Variants in RBP7 observed in about 807,000 individuals in gnomAD.
RBP7 encodes retinoid-binding protein 7.
In RBP7, 13 loss-of-function variants were observed where a neutral mutation model predicts 16.7. The observed-to-expected ratio is 0.78, with a 90% CI of 0.51 to 1.24. The LOEUF (loss-of-function observed/expected upper bound fraction) is 1.24. RBP7 is among the 50% of genes most tolerant of loss of function. The probability of loss-of-function intolerance (pLI) is 0.00; values close to 1 mark genes in which losing one functional copy is unlikely to be tolerated. For synonymous variants in RBP7, 54 were observed against 56.2 expected, an observed-to-expected ratio of 0.96 and a Z score of 0.17; for missense variants, 145 against 159.5, an observed-to-expected ratio of 0.91 and a Z score of 0.49.
rs1212966695 is a variant in RBP7, at chr1:10,006,764, TAGAG to T, written c.74-789_74-786del. Among the ~76,000 whole-genome samples the T allele has an allele frequency of 8.2e-4, 116 of 141,518 alleles. 1 individual carries two copies. The highest frequency in any genetic ancestry group is 1.5e-3 in the Non-Finnish European group (98 of 66,374). The allele number at this position is 141,518 out of a possible 152,430, so 92.8% of individuals were successfully genotyped here. On this transcript the variant is annotated intron_variant, in intron 1 of 3. Transcript: ENST00000294435. ...GTGTGTGTGTGTGTATATATATATA[TAGAG>T]AGAGAGAGAGAGAGAGGTATATACA...
rs1276918075 is a variant in RBP7 at position 10,008,175 on chromosome 1, T to A, written c.255T>A (p.Ser85Arg). The change falls in exon 3 of 4, where the codon AGT becomes AGA. Residue 85 changes from serine (S) to arginine (R), a missense_variant and splice_region_variant. Transcript: ENST00000294435. The part of the protein sequence containing the change: ...NRGLDNRKCK[S>R]LVIWDNDRLT... ...CATTTTCTCCTCTCTTCATGCAGAGTTTGGTTATCTGGGACAATGACAGGC... is the reference window on the plus strand; with the variant it reads ...CATTTTCTCCTCTCTTCATGCAGAGATTGGTTATCTGGGACAATGACAGGC... The A allele has an allele frequency of 1.3e-6, 2 of 1,598,384 alleles. No individual in the cohort carries two copies. The highest frequency in any genetic ancestry group is 1.3e-5 in the African/African-American group (1 of 74,256).
chr1:9,998,750 G>A (rs1336150613), intron 1 of RBP7, among the ~76,000 whole-genome samples: 1 of 152,026 alleles, frequency 6.6e-6, no homozygotes, highest in Non-Finnish European at 1.5e-5. Context: ...AGTTGATAAA[G>A]GGGCATTTAT....
chr1:10,003,881 G>A (rs1466906450), intron 1 of RBP7, among the ~76,000 whole-genome samples: 1 of 151,872 alleles, frequency 6.6e-6, no homozygotes, highest in Non-Finnish European at 1.5e-5. Flanking sequence ...TAAGCCTCCC[G>A]AGTAGCTGGG....
Position 10,008,236 on chromosome 1 carries a change from G to A in RBP7, c.316G>A (p.Gly106Ser). Residue 106 changes from glycine to serine, a missense_variant, in exon 3 of 4, where the codon GGC becomes AGC. By Grantham distance (56) the Gly-to-Ser change is moderately conservative. Coordinates refer to ENST00000294435, the MANE Select transcript of RBP7 (RefSeq NM_052960.3). ...CIQKGEKKNR[G>S]WTHWIEGDKL... is the part of the protein sequence containing the mutation. Reference sequence around the variant, plus strand: ...CCAGAAGGGAGAAAAGAAGAACAGAGGCTGGACCCATTGGATCGAAGGAGA... The same window carrying A: ...CCAGAAGGGAGAAAAGAAGAACAGAAGCTGGACCCATTGGATCGAAGGAGA... 1 of 1,613,124 alleles carries A rather than the reference G, an allele frequency of 6.2e-7. No homozygotes were observed. The highest frequency in any genetic ancestry group is 8.5e-7 in the Non-Finnish European group (1 of 1,179,382).
At chr1:10,000,616 CTTTAAA>C (rs1273009129) in intron 1 of RBP7, among the ~76,000 whole-genome samples, 1 of 151,932 alleles carries the variant, frequency 6.6e-6, no homozygotes. Context: ...ATATAATTAA[CTTTAAA>C]TTTATATGCT....
Position 9,997,846 on chromosome 1 carries a change from G to A in RBP7, c.73+515G>A, listed in dbSNP as rs552765809. ...GCAGCGAAGTCCCAGCAGCCTCGGCGCACCCGGAGCGGGTCGGGGATGCAG... is the reference window on the plus strand; with the variant it reads ...GCAGCGAAGTCCCAGCAGCCTCGGCACACCCGGAGCGGGTCGGGGATGCAG... On this transcript the variant is annotated intron_variant, in intron 1 of 3. Coordinates refer to ENST00000294435, the MANE Select transcript of RBP7 (RefSeq NM_052960.3). The surrounding 1 kb of genome is among the most constrained non-coding windows in gnomAD (Gnocchi z 5.9). Among the ~76,000 whole-genome samples the A allele has an allele frequency of 1.8e-3, 281 of 152,170 alleles. 2 individuals are homozygous for A. Among genetic ancestry groups the A allele is most frequent in the African/African-American group, 6.3e-3 (262 of 41,560 alleles).
At chr1:10,005,706 G>A (rs1001824363) in intron 1 of RBP7, among the ~76,000 whole-genome samples, 3 of 151,914 alleles carry the variant, frequency 2.0e-5, no homozygotes, top group South Asian at 2.1e-4. Flanking sequence ...TGGGATTACA[G>A]GGGTGCACCA....
At chr1:9,998,412 T>TTTC (rs1642211774) in intron 1 of RBP7, among the ~76,000 whole-genome samples, 1 of 141,020 alleles carries the variant, frequency 7.1e-6, no homozygotes, top group Non-Finnish European at 1.6e-5. Flanking sequence ...TCTTTCTTTT[T>TTTC]TTTTTTTTTT....
At position 10,005,133 on chromosome 1, in the gene RBP7, C is replaced by A. The variant is rs111438979; in HGVS notation, c.74-2437C>A. Among the ~76,000 whole-genome samples the A allele has an allele frequency of 6.8e-3, 1,033 of 152,300 alleles. 15 individuals are homozygous for A. Among genetic ancestry groups the A allele is most frequent in the African/African-American group, 0.024 (980 of 41,574 alleles). ...GGAGTTCTAGATTTAAACACACACA[C>A]ACAAGCTTTTTTATTTGCAGCTGAG... is the stretch of plus-strand genomic sequence containing the variant. On this transcript the variant is annotated intron_variant, in intron 1 of 3. Transcript: ENST00000294435.
At chr1:10,014,893 C>T (rs1468379024) in intron 3 of RBP7, among the ~76,000 whole-genome samples, 2 of 152,110 alleles carry the variant, frequency 1.3e-5, no homozygotes, top group Non-Finnish European at 2.9e-5. Flanking sequence ...AGACTGCATC[C>T]TTAACCTATG....
intron 3 of RBP7, among the ~76,000 whole-genome samples, chr1:10,013,642 C>G (rs754203912): frequency 3.3e-5 from 5 of 151,866 alleles, no homozygotes; most frequent in Non-Finnish European, 5.9e-5. Flanking sequence ...AATGCTGTCT[C>G]TACTAAAAAA....
chr1:10,015,922 C>T lies in RBP7; in HGVS notation c.*90C>T, dbSNP rs1410381202. ...ACAGACGTTTATCTATCCCATTTGG[C>T]GACGAGGACTCGTGGCTGGAGAGAG... is the stretch of plus-strand genomic sequence containing the variant. On this transcript the variant is annotated 3_prime_UTR_variant, in exon 4 of 4. Transcript: ENST00000294435. The T allele has an allele frequency of 3.9e-5, 49 of 1,252,078 alleles. No individual in the cohort carries two copies. The South Asian group carries it at 4.1e-4, about 11-fold the overall frequency. The allele number at this position is 1,252,078 out of a possible 1,614,324, so 77.6% of individuals were successfully genotyped here. A position where few individuals can be genotyped will look rare whatever the true frequency, so the allele number is the denominator to read the frequency against.
chr1:10,011,291 AAG>A (rs943924758), intron 3 of RBP7, among the ~76,000 whole-genome samples: 11 of 152,182 alleles, frequency 7.2e-5, no homozygotes, highest in Non-Finnish European at 1.5e-4. Flanking sequence ...GGGAAAAAAA[AAG>A]AGAGAAGAAA....
At chr1:10,006,555 G>T (rs1163787398) in intron 1 of RBP7, among the ~76,000 whole-genome samples, 1 of 151,636 alleles carries the variant, frequency 6.6e-6, no homozygotes, top group South Asian at 2.1e-4. Context: ...ATAGCTGGGT[G>T]TGGTGATGCA....
At chr1:10,006,955 C>CTT in intron 1 of RBP7, 2 of 432,278 alleles carry the variant, frequency 4.6e-6, no homozygotes, top group Admixed American at 2.6e-5. Context: ...CTTTTTCTTT[C>CTT]TTTTTTTTTG....
At chr1:10,000,073 C>CA (rs1642237077) in intron 1 of RBP7, among the ~76,000 whole-genome samples, 1 of 150,304 alleles carries the variant, frequency 6.7e-6, no homozygotes, top group Non-Finnish European at 1.5e-5. Flanking sequence ...ACTAAAAATA[C>CA]AAAAAATTAG....
chr1:9,998,059 A>C (rs1284014906), intron 1 of RBP7, among the ~76,000 whole-genome samples: 2 of 151,980 alleles, frequency 1.3e-5, no homozygotes, highest in Admixed American at 1.3e-4. Flanking sequence ...CGGACTCTCA[A>C]CTCACTGCAA....
chr1:10,001,620 C>G (rs987061192), intron 1 of RBP7, among the ~76,000 whole-genome samples: 1 of 151,920 alleles, frequency 6.6e-6, no homozygotes, highest in African/African-American at 2.4e-5. Flanking sequence ...TGGTGTACCC[C>G]CACAGCAGCC....
At position 10,012,602 on chromosome 1, in the gene RBP7, G is replaced by T. The variant is rs1642656140; in HGVS notation, c.355-3180G>T. Among the ~76,000 whole-genome samples, 6 of 150,574 alleles carry T rather than the reference G, an allele frequency of 4.0e-5. No individual in the cohort carries two copies. The South Asian group carries it at 1.3e-3, about 32-fold the overall frequency. ...AGCCCAGGAGTTTGAGTCAAGCCTG[G>T]GGAACGTAGGACTAGCCTGTCTTTA... On this transcript the variant is annotated intron_variant, in intron 3 of 3. Coordinates refer to ENST00000294435, the MANE Select transcript of RBP7 (RefSeq NM_052960.3).
Sources: allele counts gnomAD v4.1 joint callset (sites outside exome capture counted in the v4.1 genomes callset), GRCh38; gene constraint gnomAD v4.1.1; non-coding constraint Gnocchi (gnomAD v3.1); transcripts MANE v1.5; gene names NCBI Gene and HGNC (gene_info 2026-07-23, HGNC 2026-07-21).